The following CXXC4 variants were observed in gnomAD, a reference collection of about 807,000 sequenced individuals.
The protein encoded by CXXC4 is CXXC finger protein 4.
A neutral mutation model predicts 20.5 loss-of-function variants in CXXC4; 5 were observed. The ratio of observed to expected loss-of-function variants is 0.24; its 90% CI spans 0.13 to 0.51. The LOEUF (loss-of-function observed/expected upper bound fraction) is 0.51. Among genes scored for constraint, CXXC4 ranks in the 20% least tolerant of loss-of-function variants. CXXC4 has a pLI of 0.97. For synonymous variants in CXXC4, 250 were observed against 216.4 expected, an observed-to-expected ratio of 1.16 and a Z score of -1.36; for missense variants, 419 against 496.4, an observed-to-expected ratio of 0.84 and a Z score of 1.48.
intron 2 of CXXC4, among the ~76,000 whole-genome samples, chr4:104,473,524 T>C (rs1381640290): frequency 6.6e-6 from 1 of 151,872 alleles, no homozygotes; most frequent in African/African-American, 2.4e-5. Flanking sequence ...TAAAATGTAT[T>C]CTAATGATAT....
At chr4:104,482,653 C>T (rs1256750388) in intron 2 of CXXC4, among the ~76,000 whole-genome samples, 3 of 152,124 alleles carry the variant, frequency 2.0e-5, no homozygotes, top group Non-Finnish European at 2.9e-5. Context: ...CTCGCCATTT[C>T]CACATGATTA....
Position 104,469,604 on chromosome 4 carries a change from A to G in CXXC4, c.*2718T>C, listed in dbSNP as rs1448205128. Reference sequence around the variant, plus strand: ...CCTTAGGTTTATAATGATAAGCTTTAGAAGTTCTCAGTACAGGGACATATG... The same window carrying G: ...CCTTAGGTTTATAATGATAAGCTTTGGAAGTTCTCAGTACAGGGACATATG... On this transcript the variant is annotated 3_prime_UTR_variant, in exon 3 of 3. Transcript: ENST00000394767. 1 of 152,076 alleles carries G rather than the reference A, an allele frequency of 6.6e-6. No homozygotes were observed. Among genetic ancestry groups the G allele is most frequent in the Non-Finnish European group, 1.5e-5 (1 of 67,984 alleles). 9.4% of individuals were successfully genotyped at this position (152,076 alleles called of 1,614,324 possible). A position where few individuals can be genotyped will look rare whatever the true frequency, so the allele number is the denominator to read the frequency against.
chr4:104,478,267 G>T (rs890062096), intron 2 of CXXC4, among the ~76,000 whole-genome samples: 1 of 152,080 alleles, frequency 6.6e-6, no homozygotes, highest in Non-Finnish European at 1.5e-5. Context: ...AGACTGTGAC[G>T]GTGTGACTTT....
intron 1 of CXXC4, among the ~76,000 whole-genome samples, chr4:104,494,227 A>C (rs759437820): frequency 6.6e-6 from 1 of 152,240 alleles, no homozygotes; most frequent in Non-Finnish European, 1.5e-5. Flanking sequence ...TTCTATGCCA[A>C]AGCTAAATTA....
intron 2 of CXXC4, among the ~76,000 whole-genome samples, chr4:104,482,246 A>G (rs541823452): frequency 6.6e-6 from 1 of 152,284 alleles, no homozygotes; most frequent in South Asian, 2.1e-4. Context: ...TGATAAACAC[A>G]CCTCCATACT....
In CXXC4 at chr4:104,470,962, G is replaced by C. The variant is rs532509529; in HGVS notation, c.*1360C>G. On this transcript the variant is annotated 3_prime_UTR_variant, in exon 3 of 3. Transcript: ENST00000394767. ...ATTAGATCCTTTGTGTGTAGGTTGTGGGGGGAGGGGTATGTCATGCATTTA... is the reference window on the plus strand; with the variant it reads ...ATTAGATCCTTTGTGTGTAGGTTGTCGGGGGAGGGGTATGTCATGCATTTA... 1 of 151,978 alleles carries C rather than the reference G, an allele frequency of 6.6e-6. No individual in the cohort carries two copies. The highest frequency in any genetic ancestry group is 1.5e-5 in the Non-Finnish European group (1 of 67,982). The allele number at this position is 151,978 out of a possible 1,614,324, so 9.4% of individuals were successfully genotyped here. A position where few individuals can be genotyped will look rare whatever the true frequency, so the allele number is the denominator to read the frequency against.
chr4:104,488,931 T>C (rs990170263), intron 2 of CXXC4, among the ~76,000 whole-genome samples: 1 of 152,204 alleles, frequency 6.6e-6, no homozygotes, highest in Non-Finnish European at 1.5e-5. Flanking sequence ...CAGAACCAAA[T>C]TTATAATTCT....
At position 104,490,651 on chromosome 4, in the gene CXXC4, C is replaced by T. The variant is rs1181312095; in HGVS notation, c.1059+93G>A. 2.6e-6 allele frequency: 3 copies of T among 1,162,386 alleles called. No individual in the cohort carries two copies. In the East Asian group the frequency reaches 7.0e-5, roughly 27 times the overall value. The allele number at this position is 1,162,386 out of a possible 1,614,324, so 72.0% of individuals were successfully genotyped here. A position where few individuals can be genotyped will look rare whatever the true frequency, so the allele number is the denominator to read the frequency against. ...TGAATGAAGCTTCTGAGAAGGGGTA[C>T]TGCATCTTGAAGCCAGACAAGAATC... is the stretch of plus-strand genomic sequence containing the variant. On this transcript the variant is annotated intron_variant, in intron 2 of 2. Transcript: ENST00000394767.
intron 2 of CXXC4, among the ~76,000 whole-genome samples, chr4:104,484,362 A>T (rs990948868): frequency 6.6e-6 from 1 of 152,032 alleles, no homozygotes; most frequent in Non-Finnish European, 1.5e-5. Context: ...TTTCTTACCT[A>T]TGTGGCCACA....
At chr4:104,482,083 T>C (rs1736571642) in intron 2 of CXXC4, among the ~76,000 whole-genome samples, 1 of 152,202 alleles carries the variant, frequency 6.6e-6, no homozygotes, top group Non-Finnish European at 1.5e-5. Flanking sequence ...TGTACATAAC[T>C]GAAACAGAAG....
Position 104,491,922 on chromosome 4 carries a change from G to A in CXXC4, c.-120C>T, listed in dbSNP as rs1356232997. The A allele has an allele frequency of 7.6e-6, 1 of 131,522 alleles. No individual in the cohort carries two copies. The allele number at this position is 131,522 out of a possible 1,614,324, so 8.1% of individuals were successfully genotyped here. On this transcript the variant is annotated 5_prime_UTR_variant, in exon 2 of 3. Coordinates refer to ENST00000394767, the MANE Select transcript of CXXC4 (RefSeq NM_025212.4). ...GGAGTGATGGTGGTGTTGGGGTGGG[G>A]GCCGAGGCGGGTGGGGAAAGTGGGT... is the stretch of plus-strand genomic sequence containing the variant.
intron 1 of CXXC4, among the ~76,000 whole-genome samples, chr4:104,494,248 C>G (rs1196630602): frequency 1.3e-5 from 2 of 152,188 alleles, no homozygotes; most frequent in Admixed American, 1.3e-4. Flanking sequence ...GAGATCCATA[C>G]TTCATGATCC....
intron 2 of CXXC4, among the ~76,000 whole-genome samples, chr4:104,479,787 C>G (rs1021320259): frequency 1.6e-4 from 24 of 147,892 alleles, no homozygotes; most frequent in Non-Finnish European, 1.1e-4. Flanking sequence ...CCCTCCCTCC[C>G]TCTGTTCCTC....
intron 2 of CXXC4, among the ~76,000 whole-genome samples, chr4:104,476,908 T>G (rs1301551850): frequency 6.6e-6 from 1 of 152,140 alleles, no homozygotes; most frequent in African/African-American, 2.4e-5. Context: ...AAGCATGCTT[T>G]CTTCCCAACC....
intron 2 of CXXC4, among the ~76,000 whole-genome samples, chr4:104,479,411 T>G (rs1458994388): frequency 1.3e-5 from 2 of 152,162 alleles, no homozygotes; most frequent in Non-Finnish European, 1.5e-5. Flanking sequence ...TTCTGAGATC[T>G]GATAAATATT....
chr4:104,482,779 G>A (rs1485449672), intron 2 of CXXC4, among the ~76,000 whole-genome samples: 2 of 152,026 alleles, frequency 1.3e-5, no homozygotes, highest in Non-Finnish European at 2.9e-5. Flanking sequence ...GAAATAGACA[G>A]AAATGTCCAA....
chr4:104,478,461 C>T (rs1736473152), intron 2 of CXXC4, among the ~76,000 whole-genome samples: 1 of 152,092 alleles, frequency 6.6e-6, no homozygotes, highest in Non-Finnish European at 1.5e-5. Flanking sequence ...CACCACGATT[C>T]ACACTGGTCC....
chr4:104,468,485 CA>C lies in CXXC4; in HGVS notation c.*3836del, dbSNP rs1736179139. The C allele has an allele frequency of 6.7e-6, 1 of 149,754 alleles. No homozygotes were observed. Among genetic ancestry groups the C allele is most frequent in the South Asian group, 2.1e-4 (1 of 4,798 alleles). The allele number at this position is 149,754 out of a possible 1,614,324, so 9.3% of individuals were successfully genotyped here. On this transcript the variant is annotated 3_prime_UTR_variant, in exon 3 of 3. Transcript: ENST00000394767. ...TCCAAAACCGTTTTTTAAATAATTG[CA>C]CAAGCATACATACACCTTACACAAA... is the stretch of plus-strand genomic sequence containing the variant.
At chr4:104,488,704 GC>G (rs1346140869) in intron 2 of CXXC4, among the ~76,000 whole-genome samples, 1 of 152,158 alleles carries the variant, frequency 6.6e-6, no homozygotes, top group Admixed American at 6.5e-5. Flanking sequence ...TCATCAAAAT[GC>G]CTGAGGAATT....
Sources: gnomAD v4.1 joint callset for allele counts (sites outside exome capture counted in the v4.1 genomes callset) on GRCh38, gnomAD v4.1.1 for gene constraint, MANE v1.5 for transcripts, NCBI Gene and HGNC (gene_info 2026-07-23, HGNC 2026-07-21) for gene names.